The following INPP4B variants were observed in gnomAD, a reference collection of about 807,000 sequenced individuals.
The protein encoded by INPP4B is inositol polyphosphate-4-phosphatase type II B, also known as inositol polyphosphate 4-phosphatase type II.
INPP4B carries 55 observed loss-of-function variants against 122.5 expected under a neutral mutation model. That is an observed-to-expected ratio of 0.45 (90% CI 0.36 to 0.56). INPP4B has a LOEUF of 0.56. INPP4B is among the 20% of genes least tolerant of loss of function. INPP4B has a pLI of 0.00. For synonymous variants in INPP4B, 403 were observed against 388.7 expected (o/e 1.04, Z -0.43); for missense variants, 1,000 against 1,097.7 (o/e 0.91, Z 1.26).
intron 7 of INPP4B, among the ~76,000 whole-genome samples, chr4:142,377,613 G>A (rs1224344242): frequency 6.6e-6 from 1 of 152,054 alleles, no homozygotes; most frequent in African/African-American, 2.4e-5. Flanking sequence ...TGTAATGTAG[G>A]CAGAAATGAG....
At chr4:142,510,294 T>C (rs1346082714) in intron 2 of INPP4B, among the ~76,000 whole-genome samples, 5 of 152,196 alleles carry the variant, frequency 3.3e-5, no homozygotes, top group Non-Finnish European at 5.9e-5. Flanking sequence ...GACAAAGGAA[T>C]AGCTCTTCAG....
chr4:142,744,923 A>G (rs2322814), intron 1 of INPP4B, among the ~76,000 whole-genome samples: 5,685 of 151,828 alleles, frequency 0.037, 144 homozygotes, highest in African/African-American at 0.07. Context: ...TTCACAAGGT[A>G]GAGTTTTTAG....
chr4:142,313,233 G>C (rs1766237344), intron 8 of INPP4B, among the ~76,000 whole-genome samples: 1 of 152,200 alleles, frequency 6.6e-6, no homozygotes, highest in African/African-American at 2.4e-5. Context: ...TATCATTAAA[G>C]CTTCAAGCAA....
At chr4:142,791,038 A>C (rs1412585931) in intron 1 of INPP4B, among the ~76,000 whole-genome samples, 1 of 152,126 alleles carries the variant, frequency 6.6e-6, no homozygotes, top group East Asian at 1.9e-4. Context: ...ATAAAACATA[A>C]CTATTTGGTG....
At chr4:142,194,623 GA>G (rs1837393397) in intron 14 of INPP4B, among the ~76,000 whole-genome samples, 1 of 152,144 alleles carries the variant, frequency 6.6e-6, no homozygotes. Context: ...AGGATCATTA[GA>G]AGTTAACTGC....
chr4:142,553,872 A>C (rs904851870), intron 2 of INPP4B, among the ~76,000 whole-genome samples: 3 of 152,066 alleles, frequency 2.0e-5, no homozygotes, highest in Admixed American at 6.6e-5. Flanking sequence ...GAATGGCTGC[A>C]CCGTCAGTCT....
intron 1 of INPP4B, among the ~76,000 whole-genome samples, chr4:142,801,678 T>C (rs369479220): frequency 1.1e-4 from 16 of 152,294 alleles, no homozygotes; most frequent in African/African-American, 1.9e-4. Flanking sequence ...TTCTGAGAGA[T>C]ATTTAGAAGG....
chr4:142,521,093 T>A (rs563314674), intron 2 of INPP4B, among the ~76,000 whole-genome samples: 1 of 151,800 alleles, frequency 6.6e-6, no homozygotes, highest in Non-Finnish European at 1.5e-5. Context: ...CCATTATATG[T>A]CTACCTAAAA....
At chr4:142,457,613 T>A (rs1815737774) in intron 3 of INPP4B, among the ~76,000 whole-genome samples, 2 of 152,202 alleles carry the variant, frequency 1.3e-5, no homozygotes, top group Admixed American at 1.3e-4. Context: ...CATATTAGAA[T>A]AACTATCAAT....
intron 1 of INPP4B, among the ~76,000 whole-genome samples, chr4:142,796,393 G>A (rs1336549134): frequency 1.3e-5 from 2 of 151,924 alleles, no homozygotes; most frequent in South Asian, 2.1e-4. Flanking sequence ...ATTCTTAACA[G>A]GGAGAAAGTT....
chr4:142,294,064 G>A (rs1236103780), intron 9 of INPP4B, among the ~76,000 whole-genome samples: 1 of 152,174 alleles, frequency 6.6e-6, no homozygotes. Context: ...AGGGGGCGGT[G>A]AGGGATGATA....
At chr4:142,130,043 A>G (rs1332665667) in intron 18 of INPP4B, among the ~76,000 whole-genome samples, 1 of 152,212 alleles carries the variant, frequency 6.6e-6, no homozygotes, top group Non-Finnish European at 1.5e-5. Flanking sequence ...AAAAGTTGGG[A>G]CAGTGACCAA....
intron 14 of INPP4B, among the ~76,000 whole-genome samples, chr4:142,196,039 A>G (rs1297720428): frequency 5.3e-5 from 8 of 152,200 alleles, no homozygotes; most frequent in African/African-American, 7.2e-5. Flanking sequence ...AAACCGAGAC[A>G]TTTTGAAATA....
At chr4:142,380,300 CT>C (rs1329171247) in intron 7 of INPP4B, among the ~76,000 whole-genome samples, 12 of 152,266 alleles carry the variant, frequency 7.9e-5, no homozygotes, top group Middle Eastern at 3.4e-3. Context: ...TTGCAAATGG[CT>C]GTCACTTTCT....
chr4:142,665,843 C>T (rs568540681), intron 2 of INPP4B, among the ~76,000 whole-genome samples: 11 of 152,214 alleles, frequency 7.2e-5, no homozygotes, highest in African/African-American at 2.4e-4. Flanking sequence ...TCCATGAGGG[C>T]TATGTTCTAA....
At chr4:142,041,512 G>A (rs1375000391) in intron 25 of INPP4B, among the ~76,000 whole-genome samples, 1 of 152,012 alleles carries the variant, frequency 6.6e-6, no homozygotes, top group African/African-American at 2.4e-5. Flanking sequence ...CAGCTACTCA[G>A]GAGGCTGAGG....
At chr4:142,287,595 C>T (rs1008485515) in intron 9 of INPP4B, 6 of 152,056 alleles carry the variant, frequency 3.9e-5, no homozygotes, top group African/African-American at 9.7e-5. Flanking sequence ...TTGAAGCAGG[C>T]GTTATTCTTG....
intron 2 of INPP4B, among the ~76,000 whole-genome samples, chr4:142,521,327 A>G (rs1190891498): frequency 6.6e-6 from 1 of 152,026 alleles, no homozygotes; most frequent in East Asian, 1.9e-4. Context: ...TCCTCTTGGC[A>G]ATTCATATTT....
At chr4:142,060,602 T>TTGCA (rs1760130351) in intron 25 of INPP4B, among the ~76,000 whole-genome samples, 1 of 152,182 alleles carries the variant, frequency 6.6e-6, no homozygotes, top group African/African-American at 2.4e-5. Context: ...GTAAGGCCTT[T>TTGCA]TGCATGTCTT....
Sources: allele counts gnomAD v4.1 joint callset (sites outside exome capture counted in the v4.1 genomes callset), GRCh38; gene constraint gnomAD v4.1.1; transcripts MANE v1.5; gene names NCBI Gene and HGNC (gene_info 2026-07-23, HGNC 2026-07-21).